ACTN2: variants seen among roughly 807,000 people sequenced by gnomAD.
ACTN2 encodes the protein actinin alpha 2.
Under a neutral mutation model 113.8 loss-of-function variants are expected in ACTN2, and 39 were observed. The observed-to-expected ratio is 0.34, with a 90% CI of 0.27 to 0.45. The LOEUF (loss-of-function observed/expected upper bound fraction) is 0.45. ACTN2 is among the 20% of genes least tolerant of loss of function. The probability of loss-of-function intolerance (pLI) is 1.00; values close to 1 mark genes in which losing one functional copy is unlikely to be tolerated. For synonymous variants in ACTN2, 429 were observed against 444.1 expected, an observed-to-expected ratio of 0.97 and a Z score of 0.43; for missense variants, 992 against 1,177.9, an observed-to-expected ratio of 0.84 and a Z score of 2.31.
chr1:236,707,700 CT>C (rs1298408547), intron 1 of ACTN2, among the ~76,000 whole-genome samples: 15 of 111,734 alleles, frequency 1.3e-4, no homozygotes, highest in South Asian at 3.1e-4. Context: ...CTTTTCTTTT[CT>C]TTTTTTTCTT....
chr1:236,757,424 A>G lies in ACTN2; in HGVS notation c.2155-62A>G. On this transcript the variant is annotated intron_variant, in intron 17 of 20. Coordinates refer to ENST00000366578, the MANE Select transcript of ACTN2 (RefSeq NM_001103.4). ...AGTCGGCTGTACTGTTATGAAAGTA[A>G]AGAGGCAGAGTTGACATGCTGGAGA... The G allele has an allele frequency of 1.9e-6, 3 of 1,605,706 alleles. No individual in the cohort carries two copies. In the South Asian group the frequency reaches 3.3e-5, roughly 18 times the overall value.
Position 236,731,426 on chromosome 1 carries a change from T to G in ACTN2, c.697+112T>G, listed in dbSNP as rs116526937. The G allele has an allele frequency of 5.7e-4, 461 of 806,108 alleles. 2 individuals are homozygous for G. The African/African-American group carries it at 7.2e-3, about 13-fold the overall frequency. 49.9% of individuals were successfully genotyped at this position (806,108 alleles called of 1,614,324 possible). On this transcript the variant is annotated intron_variant, in intron 7 of 20. Coordinates refer to ENST00000366578, the MANE Select transcript of ACTN2 (RefSeq NM_001103.4). ...ATAGCGAAGTTACATCCGAAGTACT[T>G]TGGATTCCTAACAAATTTCTGTCAC...
chr1:236,758,624 T>C (rs143631616), intron 18 of ACTN2, among the ~76,000 whole-genome samples: 9 of 150,356 alleles, frequency 6.0e-5, no homozygotes, highest in South Asian at 2.1e-4. Context: ...TTGTTTTGTT[T>C]TGTTCTGTTT....
chr1:236,715,492 T>G (rs918026493), intron 1 of ACTN2, among the ~76,000 whole-genome samples: 2 of 152,140 alleles, frequency 1.3e-5, no homozygotes, highest in Admixed American at 6.5e-5. Flanking sequence ...ATGATAGGAA[T>G]GTTGTATATT....
chr1:236,689,347 A>G (rs933769692), intron 1 of ACTN2, among the ~76,000 whole-genome samples: 1 of 140,574 alleles, frequency 7.1e-6, no homozygotes, highest in Non-Finnish European at 1.5e-5. Context: ...ATACACACAC[A>G]TATGTATATT....
intron 1 of ACTN2, among the ~76,000 whole-genome samples, chr1:236,688,620 G>A (rs1366455911): frequency 4.6e-5 from 7 of 152,188 alleles, no homozygotes; most frequent in African/African-American, 1.7e-4. Context: ...CCAAAATAAT[G>A]TTAGAAAGTT....
intron 1 of ACTN2, among the ~76,000 whole-genome samples, chr1:236,711,709 C>T (rs1042905937): frequency 2.6e-5 from 4 of 152,154 alleles, no homozygotes; most frequent in African/African-American, 4.8e-5. Context: ...CTTCCCATCT[C>T]GGTCTTCTTT....
At chr1:236,696,666 A>AT (rs34828949) in intron 1 of ACTN2, among the ~76,000 whole-genome samples, 11,314 of 129,928 alleles carry the variant, frequency 0.087, 520 homozygotes, top group Non-Finnish European at 0.1. Flanking sequence ...TTGTCCCACT[A>AT]TTTTTTTTTT....
chr1:236,729,295 G>A (rs1231864067), intron 6 of ACTN2, among the ~76,000 whole-genome samples: 1 of 152,142 alleles, frequency 6.6e-6, no homozygotes, highest in Non-Finnish European at 1.5e-5. Context: ...CTGCCCTCCA[G>A]CCTGGGCGAC....
chr1:236,737,297 G>GTGTATATATATATATATATA, intron 9 of ACTN2, 83 bp downstream of exon 9: 7 of 322,156 alleles, frequency 2.2e-5, no homozygotes, highest in East Asian at 1.7e-4. Flanking sequence ...CTCCGTGGGG[G>GTGTATATATATATATATATA]CATATATATA....
At chr1:236,719,313 A>T (rs1466961411) in intron 3 of ACTN2, among the ~76,000 whole-genome samples, 7 of 152,218 alleles carry the variant, frequency 4.6e-5, no homozygotes, top group Non-Finnish European at 7.3e-5. Context: ...GAACTAACTA[A>T]TAGGAAGGAA....
rs1665870717 is a variant in ACTN2, at chr1:236,686,528, C to T, written c.-146C>T. The T allele has an allele frequency of 2.1e-6, 2 of 949,568 alleles. No homozygotes were observed. Among genetic ancestry groups the T allele is most frequent in the Admixed American group, 4.6e-5 (1 of 21,530 alleles). The allele number at this position is 949,568 out of a possible 1,614,324, so 58.8% of individuals were successfully genotyped here. The stretch of plus-strand genomic sequence containing the variant: ...CTGGTGCTTCGCCCGAGACCCAGCG[C>T]CCAGGCGTGTCGCCCCGAGAGGAGC... On this transcript the variant is annotated 5_prime_UTR_variant, in exon 1 of 21. Coordinates refer to ENST00000366578, the MANE Select transcript of ACTN2 (RefSeq NM_001103.4).
At chr1:236,757,435 T>C (rs370215045) in intron 17 of ACTN2, 51 bp from the exon 18 acceptor site, 21 of 1,612,070 alleles carry the variant, frequency 1.3e-5, no homozygotes, top group Non-Finnish European at 1.8e-5. Context: ...AGAGGCAGAG[T>C]TGACATGCTG....
At chr1:236,753,649 G>A (rs1159652308) in intron 15 of ACTN2, among the ~76,000 whole-genome samples, 1 of 152,144 alleles carries the variant, frequency 6.6e-6, no homozygotes, top group African/African-American at 2.4e-5. Context: ...GCCTCTGGCT[G>A]GAGGAGAATG....
At chr1:236,717,810 C>G in intron 1 of ACTN2, 48 bp from the exon 2 acceptor site, 1 of 1,348,342 alleles carries the variant, frequency 7.4e-7, no homozygotes, top group Non-Finnish European at 1.1e-6. Context: ...AGGAAGGGAT[C>G]TGAAATCCGA....
At chr1:236,713,404 T>A (rs1280132049) in intron 1 of ACTN2, among the ~76,000 whole-genome samples, 1 of 152,094 alleles carries the variant, frequency 6.6e-6, no homozygotes, top group Non-Finnish European at 1.5e-5. Context: ...GTCTTGTATT[T>A]TTTGTAGAGA....
intron 10 of ACTN2, among the ~76,000 whole-genome samples, chr1:236,742,672 T>G (rs1659108403): frequency 6.6e-6 from 1 of 152,246 alleles, no homozygotes; most frequent in South Asian, 2.1e-4. Context: ...GGATCGCTGA[T>G]AACAACTATG....
chr1:236,753,107 C>T (rs934314733), intron 15 of ACTN2, among the ~76,000 whole-genome samples: 6 of 152,130 alleles, frequency 3.9e-5, no homozygotes, highest in African/African-American at 1.4e-4. Flanking sequence ...TTCTGTGGGC[C>T]AACAAGGTAT....
rs780431842 is a variant in ACTN2, at chr1:236,754,013, G to A, written c.1906G>A (p.Glu636Lys). The A allele has an allele frequency of 1.5e-5, 24 of 1,614,002 alleles. No individual in the cohort carries two copies. Among genetic ancestry groups the A allele is most frequent in the Non-Finnish European group, 1.4e-5 (17 of 1,180,036 alleles). The change falls in exon 16 of 21, where the codon GAG becomes AAG. Residue 636 changes from glutamate (E) to lysine (K), a missense_variant. Glu to Lys is a moderately conservative substitution (Grantham distance 56). Transcript: ENST00000366578. The surrounding 1 kb of genome is among the most constrained non-coding windows in gnomAD (Gnocchi z 4.9). ...QEELARQHAN[E>K]RLRRQFAAQA... ...GGAGCTGGCTCGCCAGCATGCTAAC[G>A]AGCGTCTGAGGCGCCAGTTTGCTGC...
Sources: allele counts gnomAD v4.1 joint callset (sites outside exome capture counted in the v4.1 genomes callset), GRCh38; gene constraint gnomAD v4.1.1; non-coding constraint Gnocchi (gnomAD v3.1); transcripts MANE v1.5; gene names NCBI Gene and HGNC (gene_info 2026-07-23, HGNC 2026-07-21).